The following FHIT variants were observed in gnomAD, a reference collection of about 807,000 sequenced individuals.
FHIT encodes bis(5'-adenosyl)-triphosphatase.
A neutral mutation model predicts 17.9 loss-of-function variants in FHIT; 19 were observed. The ratio of observed to expected loss-of-function variants is 1.06; its 90% CI spans 0.74 to 1.56. FHIT has a LOEUF of 1.56. FHIT is among the 40% of genes most tolerant of loss of function. FHIT has a pLI of 0.00. For missense variants in FHIT, 248 were observed against 189.2 expected, an observed-to-expected ratio of 1.31 and a Z score of -1.82; for synonymous variants, 81 against 69.7, an observed-to-expected ratio of 1.16 and a Z score of -0.81.
intron 5 of FHIT, among the ~76,000 whole-genome samples, chr3:60,139,488 C>G (rs971864980): frequency 6.6e-6 from 1 of 152,164 alleles, no homozygotes; most frequent in African/African-American, 2.4e-5. Context: ...TCTATCACCC[C>G]AGCTTAGAAG....
chr3:60,173,342 ATACTTGTGGTAGTGCAGTTTTC>A (rs1175819174), intron 5 of FHIT, among the ~76,000 whole-genome samples: 4 of 152,114 alleles, frequency 2.6e-5, no homozygotes, highest in African/African-American at 9.7e-5. Flanking sequence ...ATCTCTAATG[ATACTTGTGGTAGTGCAGTTTTC>A]TGAGTCAGCC....
intron 7 of FHIT, among the ~76,000 whole-genome samples, chr3:59,985,203 T>C (rs1043136143): frequency 1.3e-5 from 2 of 152,222 alleles, no homozygotes; most frequent in East Asian, 1.9e-4. Flanking sequence ...CATCTGGGGA[T>C]TGAACTGGCA....
chr3:59,834,432 G>A (rs1475392716), intron 8 of FHIT, among the ~76,000 whole-genome samples: 1 of 152,136 alleles, frequency 6.6e-6, no homozygotes, highest in African/African-American at 2.4e-5. Flanking sequence ...GAGAGACAGA[G>A]AGACAGACAG....
At chr3:60,562,468 G>A (rs1463480595) in intron 4 of FHIT, among the ~76,000 whole-genome samples, 1 of 152,164 alleles carries the variant, frequency 6.6e-6, no homozygotes, top group Non-Finnish European at 1.5e-5. Flanking sequence ...GGTAAATGAA[G>A]CCAGCAATCC....
intron 5 of FHIT, among the ~76,000 whole-genome samples, chr3:60,467,969 T>A (rs1313857441): frequency 6.6e-6 from 1 of 152,090 alleles, no homozygotes; most frequent in Non-Finnish European, 1.5e-5. Context: ...CATATATGAG[T>A]GCTCCAGTGT....
chr3:60,846,025 A>G (rs904428865), intron 3 of FHIT, among the ~76,000 whole-genome samples: 7 of 152,334 alleles, frequency 4.6e-5, no homozygotes, highest in African/African-American at 9.6e-5. Flanking sequence ...TAAGAAAGTC[A>G]TAAGCACTTA....
intron 3 of FHIT, among the ~76,000 whole-genome samples, chr3:60,918,067 C>A (rs1282159849): frequency 3.9e-5 from 6 of 152,114 alleles, no homozygotes; most frequent in African/African-American, 1.4e-4. Context: ...ATACTGTTCT[C>A]GTGGTAGTAA....
At chr3:61,144,015 A>G (rs1475821399) in intron 2 of FHIT, among the ~76,000 whole-genome samples, 1 of 152,182 alleles carries the variant, frequency 6.6e-6, no homozygotes, top group African/African-American at 2.4e-5. Flanking sequence ...TTACTATTCT[A>G]TTGCCAATGT....
At chr3:60,684,656 A>T (rs2040822935) in intron 4 of FHIT, among the ~76,000 whole-genome samples, 1 of 151,980 alleles carries the variant, frequency 6.6e-6, no homozygotes, top group Middle Eastern at 3.2e-3. Context: ...CCACCCCTTT[A>T]CAAATTCCAT....
At chr3:60,548,189 T>C (rs965281406) in intron 4 of FHIT, among the ~76,000 whole-genome samples, 1 of 151,744 alleles carries the variant, frequency 6.6e-6, no homozygotes, top group Non-Finnish European at 1.5e-5. Context: ...AGAATATTAT[T>C]CAAGGATTTC....
chr3:61,044,675 A>C (rs1023918087), intron 2 of FHIT, among the ~76,000 whole-genome samples: 1 of 152,206 alleles, frequency 6.6e-6, no homozygotes, highest in African/African-American at 2.4e-5. Context: ...CAAGACACAT[A>C]ATTGTCAGAT....
chr3:60,282,495 CACG>C (rs1292591433), intron 5 of FHIT, among the ~76,000 whole-genome samples: 2 of 152,082 alleles, frequency 1.3e-5, no homozygotes, highest in African/African-American at 4.8e-5. Context: ...ATGGTGGATA[CACG>C]ACAATATGCA....
intron 5 of FHIT, among the ~76,000 whole-genome samples, chr3:60,381,874 T>C (rs12497472): frequency 0.094 from 14,228 of 152,122 alleles, 1,245 homozygotes; most frequent in Admixed American, 0.23. Context: ...CAATCCCAAA[T>C]CCAAACATGT....
intron 3 of FHIT, among the ~76,000 whole-genome samples, chr3:60,826,032 G>A (rs35438702): frequency 0.97 from 148,369 of 152,182 alleles, 72,462 homozygotes; most frequent in East Asian, 1. Flanking sequence ...AAACAAAAAC[G>A]GATACTCGTT....
intron 5 of FHIT, among the ~76,000 whole-genome samples, chr3:60,392,925 G>A (rs1256655260): frequency 2.0e-5 from 3 of 152,010 alleles, no homozygotes; most frequent in East Asian, 1.9e-4. Context: ...AGAGTCTTTC[G>A]GGAAAGGTGG....
chr3:60,138,987 C>T (rs971967999), intron 5 of FHIT, among the ~76,000 whole-genome samples: 4 of 152,088 alleles, frequency 2.6e-5, no homozygotes, highest in Non-Finnish European at 5.9e-5. Context: ...CACTGAGTGG[C>T]CAGGTACTGA....
At chr3:59,870,254 C>T (rs1252176712) in intron 8 of FHIT, among the ~76,000 whole-genome samples, 1 of 152,102 alleles carries the variant, frequency 6.6e-6, no homozygotes, top group Non-Finnish European at 1.5e-5. Context: ...CTCATGTCAC[C>T]CTCACTTTTC....
intron 5 of FHIT, among the ~76,000 whole-genome samples, chr3:60,276,943 T>C (rs984018833): frequency 9.2e-5 from 14 of 152,136 alleles, no homozygotes; most frequent in Non-Finnish European, 1.9e-4. Context: ...TCCACCCTCA[T>C]GTCCCAAACA....
chr3:59,972,434 G>C (rs1456717819), intron 7 of FHIT, among the ~76,000 whole-genome samples: 1 of 152,062 alleles, frequency 6.6e-6, no homozygotes, highest in African/African-American at 2.4e-5. Flanking sequence ...GGTATCCTTG[G>C]CGCTCACTGT....
Sources: gnomAD v4.1 joint callset for allele counts (sites outside exome capture counted in the v4.1 genomes callset) on GRCh38, gnomAD v4.1.1 for gene constraint, MANE v1.5 for transcripts, NCBI Gene and HGNC (gene_info 2026-07-23, HGNC 2026-07-21) for gene names.